The following TLK2 variants were observed in gnomAD, a reference collection of about 807,000 sequenced individuals.
The protein encoded by TLK2 is serine/threonine-protein kinase tousled-like 2.
A neutral mutation model predicts 117.3 loss-of-function variants in TLK2; 6 were observed. That is an observed-to-expected ratio of 0.05 (90% CI 0.03 to 0.10). TLK2 has a LOEUF of 0.10. Among genes scored for constraint, TLK2 ranks in the 10% least tolerant of loss-of-function variants. The pLI is 1.00. For missense variants in TLK2, 299 were observed against 901.2 expected (o/e 0.33, Z 8.56); for synonymous variants, 257 against 316.7 (o/e 0.81, Z 2.00).
chr17:62,478,568 C>A (rs900596081), upstream of TLK2, among the ~76,000 whole-genome samples: 2 of 150,384 alleles, frequency 1.3e-5, no homozygotes, highest in Non-Finnish European at 3.0e-5. Flanking sequence ...GCCCGTCGCC[C>A]GCCCTCAGCC....
upstream of TLK2, among the ~76,000 whole-genome samples, chr17:62,474,070 AT>A (rs201251579): frequency 1.3e-5 from 2 of 150,870 alleles, no homozygotes; most frequent in Non-Finnish European, 3.0e-5. Flanking sequence ...TAACTTTTGT[AT>A]TTTTTTTTGT....
chr17:62,603,203 C>T (rs999364753), intron 19 of TLK2, among the ~76,000 whole-genome samples: 1 of 152,176 alleles, frequency 6.6e-6, no homozygotes, highest in Non-Finnish European at 1.5e-5. Context: ...AGGGGCATGG[C>T]GTTCACAACA....
At chr17:62,478,508 G>T (rs2071181568), upstream of TLK2, among the ~76,000 whole-genome samples, 1 of 149,688 alleles carries the variant, frequency 6.7e-6, no homozygotes, top group African/African-American at 2.4e-5. Flanking sequence ...GTCGCAGGGC[G>T]CCCCGGGCCG....
intron 1 of TLK2, 144 bp from the exon 2 acceptor site, chr17:62,480,977 T>C (rs1197071005): frequency 2.7e-6 from 2 of 743,714 alleles, no homozygotes; most frequent in Non-Finnish European, 4.4e-6. Context: ...CACATAGTAG[T>C]CTACCACTTG....
intron 2 of TLK2, among the ~76,000 whole-genome samples, chr17:62,487,455 GT>G (rs2072543126): frequency 6.7e-6 from 1 of 150,196 alleles, no homozygotes; most frequent in Admixed American, 6.6e-5. Context: ...GGAGGCAGAG[GT>G]TGCAGTGAGC....
At chr17:62,596,770 C>G (rs1208517396) in intron 17 of TLK2, 96 bp downstream of exon 17, 2 of 994,438 alleles carry the variant, frequency 2.0e-6, no homozygotes, top group Non-Finnish European at 1.5e-6. Context: ...CAGGACATAC[C>G]CTCTGAGGGA....
Position 62,614,668 on chromosome 17 carries a change from GC to G in TLK2, c.*2105del, listed in dbSNP as rs1422150848. 1 of 152,152 alleles carries G rather than the reference GC, an allele frequency of 6.6e-6. No individual in the cohort carries two copies. Among genetic ancestry groups the G allele is most frequent in the African/African-American group, 2.4e-5 (1 of 41,412 alleles). 9.4% of individuals were successfully genotyped at this position (152,152 alleles called of 1,614,324 possible). A position where few individuals can be genotyped will look rare whatever the true frequency, so the allele number is the denominator to read the frequency against. On this transcript the variant is annotated 3_prime_UTR_variant, in exon 22 of 22. Coordinates refer to ENST00000346027, the MANE Select transcript of TLK2 (RefSeq NM_006852.6). ...GAATGCAAGGAAGTCAACCCCAGAG[GC>G]CTTGGTACCCCCAGCTTTCTAAAAC...
chr17:62,580,860 C>T (rs567615904), intron 15 of TLK2, among the ~76,000 whole-genome samples: 4 of 152,314 alleles, frequency 2.6e-5, no homozygotes, highest in Non-Finnish European at 5.9e-5. Context: ...CTGTCCCTTT[C>T]AGAAATACAG....
chr17:62,556,497 G>A (rs1375812129), intron 9 of TLK2, among the ~76,000 whole-genome samples: 2 of 152,084 alleles, frequency 1.3e-5, no homozygotes, highest in African/African-American at 2.4e-5. Flanking sequence ...TTGCCCTCCC[G>A]TGGAAAGACA....
intron 19 of TLK2, among the ~76,000 whole-genome samples, chr17:62,603,940 A>G (rs1271343512): frequency 6.6e-6 from 1 of 152,030 alleles, no homozygotes; most frequent in Non-Finnish European, 1.5e-5. Context: ...TGCAGTATTT[A>G]CTGGTTACAG....
chr17:62,606,006 CAAA>C (rs71155942), intron 19 of TLK2, 121 bp from the exon 20 acceptor site: 3,749 of 132,218 alleles, frequency 0.028, no homozygotes, highest in South Asian at 0.063. Flanking sequence ...ACCCTGTCTC[CAAA>C]AAAAAAAAAA....
rs141908103 is a variant in TLK2 at position 62,548,238 on chromosome 17, A to ATGTGTGTGTGTGTGTGTG, written c.532-4063_532-4062insGTGTGTGTGTGTGTGTGT. On this transcript the variant is annotated intron_variant, in intron 7 of 21. Coordinates refer to ENST00000346027, the MANE Select transcript of TLK2 (RefSeq NM_006852.6). ...ACTTATCATTGGGCCATATATATAT[A>ATGTGTGTGTGTGTGTGTG]TATGTGTGTGTGTGTGTGTGTGTGT... is the stretch of plus-strand genomic sequence containing the variant. Among the ~76,000 whole-genome samples the ATGTGTGTGTGTGTGTGTG allele has an allele frequency of 1.5e-4, 17 of 111,896 alleles. No individual in the cohort carries two copies. The East Asian group carries it at 2.7e-3, about 18-fold the overall frequency. The allele number at this position is 111,896 out of a possible 152,430, so 73.4% of individuals were successfully genotyped here.
chr17:62,588,663 T>A (rs2081842264), intron 16 of TLK2, among the ~76,000 whole-genome samples: 1 of 152,026 alleles, frequency 6.6e-6, no homozygotes, highest in Non-Finnish European at 1.5e-5. Flanking sequence ...TTTTTTTTGT[T>A]TTGTTTTGTT....
chr17:62,497,611 G>A (rs1013368689), intron 2 of TLK2, among the ~76,000 whole-genome samples: 4 of 152,202 alleles, frequency 2.6e-5, no homozygotes, highest in African/African-American at 7.2e-5. Flanking sequence ...TTTGTGGTAA[G>A]TTTTACTACA....
intron 11 of TLK2, among the ~76,000 whole-genome samples, chr17:62,571,066 A>G (rs1248068090): frequency 1.3e-5 from 2 of 152,222 alleles, no homozygotes; most frequent in Non-Finnish European, 2.9e-5. Flanking sequence ...TGGGAAATTC[A>G]TGTTCAGTTA....
chr17:62,493,429 T>C (rs2073321234), intron 2 of TLK2, among the ~76,000 whole-genome samples: 1 of 152,222 alleles, frequency 6.6e-6, no homozygotes, highest in African/African-American at 2.4e-5. Flanking sequence ...AATAGTGCTA[T>C]GAAAAAACAA....
intron 10 of TLK2, among the ~76,000 whole-genome samples, chr17:62,562,754 CT>C (rs755426152): frequency 1.3e-5 from 2 of 152,166 alleles, no homozygotes; most frequent in African/African-American, 2.4e-5. Context: ...GACAGTTTTT[CT>C]ATTTGAGATA....
At chr17:62,555,862 T>G (rs1337886470) in intron 9 of TLK2, among the ~76,000 whole-genome samples, 1 of 152,170 alleles carries the variant, frequency 6.6e-6, no homozygotes, top group Non-Finnish European at 1.5e-5. Context: ...TCTTGCAAGC[T>G]GTGCGCTCCC....
chr17:62,567,979 G>C (rs1567937569), intron 11 of TLK2, among the ~76,000 whole-genome samples: 1 of 152,080 alleles, frequency 6.6e-6, no homozygotes, highest in Non-Finnish European at 1.5e-5. Flanking sequence ...TTTTGAAAAA[G>C]TAGCTTATTT....
Sources: gnomAD v4.1 joint callset for allele counts (sites outside exome capture counted in the v4.1 genomes callset) on GRCh38, gnomAD v4.1.1 for gene constraint, MANE v1.5 for transcripts, NCBI Gene and HGNC (gene_info 2026-07-23, HGNC 2026-07-21) for gene names.